The following REV1 variants were observed in gnomAD, a reference collection of about 807,000 sequenced individuals.
REV1 encodes the protein translesion synthesis protein REV1.
A neutral mutation model predicts 137.4 loss-of-function variants in REV1; 42 were observed. The ratio of observed to expected loss-of-function variants is 0.31; its 90% confidence interval spans 0.24 to 0.40. REV1 has a LOEUF of 0.40. Ranked by LOEUF, REV1 falls within the 10% of genes least tolerant of loss-of-function variation. The probability of loss-of-function intolerance (pLI) is 1.00; values close to 1 mark genes in which losing one functional copy is unlikely to be tolerated. For synonymous variants in REV1, 524 were observed against 519.2 expected (o/e 1.01, Z -0.12); for missense variants, 1,282 against 1,490.1 (o/e 0.86, Z 2.30).
chr2:99,434,513 A>G, intron 7 of REV1, 65 bp from the exon 8 acceptor site: 1 of 1,033,608 alleles, frequency 9.7e-7, no homozygotes, highest in South Asian at 1.9e-5. Flanking sequence ...TGTAAGCAAA[A>G]ATTTTTCAAA....
intron 9 of REV1, among the ~76,000 whole-genome samples, chr2:99,425,998 T>A (rs1219633753): frequency 6.6e-6 from 1 of 151,058 alleles, no homozygotes; most frequent in East Asian, 1.9e-4. Flanking sequence ...ATCGCGCCAT[T>A]ACACTCCAGC....
chr2:99,439,403 T>C, intron 5 of REV1, 93 bp from the exon 6 acceptor site: 1 of 802,562 alleles, frequency 1.2e-6, no homozygotes, highest in Non-Finnish European at 1.9e-6. Context: ...GTACACAGTT[T>C]GGTATTTCCC....
At chr2:99,445,584 T>C (rs1205057861) in intron 4 of REV1, among the ~76,000 whole-genome samples, 1 of 152,244 alleles carries the variant, frequency 6.6e-6, no homozygotes, top group African/African-American at 2.4e-5. Context: ...GCCAGTGGGG[T>C]ACGTCATAGC....
chr2:99,454,466 C>T (rs1327017713), intron 3 of REV1, among the ~76,000 whole-genome samples: 1 of 147,058 alleles, frequency 6.8e-6, no homozygotes, highest in African/African-American at 2.5e-5. Flanking sequence ...AGGAGAACCA[C>T]TGGAACCCAG....
At chr2:99,421,723 T>G (rs1011055884) in intron 10 of REV1, 70 bp from the exon 11 acceptor site, 1 of 1,472,798 alleles carries the variant, frequency 6.8e-7, no homozygotes, top group Non-Finnish European at 9.2e-7. Context: ...TGTTGCAAAA[T>G]AGTCTTCTTA....
At chr2:99,409,118 A>ATT (rs1676741681) in intron 14 of REV1, among the ~76,000 whole-genome samples, 1 of 152,206 alleles carries the variant, frequency 6.6e-6, no homozygotes. Context: ...CTACATAAAT[A>ATT]AGTTTTTAAA....
rs543208602 is a variant in REV1 at position 99,458,895 on chromosome 2, A to G, written c.181+3601T>C. ...AGAACAGAAGTGGGTGTGACTATGA[A>G]AGAGTAACATGAAAGATCTTTGTAG... On this transcript the variant is annotated intron_variant, in intron 3 of 22. Transcript: ENST00000258428. Among the ~76,000 whole-genome samples the G allele has an allele frequency of 2.3e-4, 35 of 152,328 alleles. No individual in the cohort carries two copies. In the South Asian group the frequency reaches 6.8e-3, roughly 30 times the overall value.
At chr2:99,403,252 G>A in intron 19 of REV1, 146 bp from the exon 20 acceptor site, 1 of 660,108 alleles carries the variant, frequency 1.5e-6, no homozygotes, top group Non-Finnish European at 2.5e-6. Context: ...GGCAGTGAAT[G>A]GCAATGGCCC....
chr2:99,453,094 C>T (rs948501096), intron 3 of REV1, among the ~76,000 whole-genome samples: 4 of 152,184 alleles, frequency 2.6e-5, no homozygotes, highest in Non-Finnish European at 5.9e-5. Context: ...GGTGCAGTGG[C>T]TCACACCTGT....
intron 15 of REV1, chr2:99,406,709 C>A: frequency 2.8e-6 from 1 of 360,070 alleles, no homozygotes; most frequent in Admixed American, 4.5e-5. Flanking sequence ...TTCAGAGTAT[C>A]CAATTCTCCC....
chr2:99,417,243 G>A (rs1678024470), intron 12 of REV1, among the ~76,000 whole-genome samples: 1 of 152,016 alleles, frequency 6.6e-6, no homozygotes, highest in African/African-American at 2.4e-5. Flanking sequence ...GGGCTCAAGC[G>A]ATTCTTGTGC....
chr2:99,449,558 C>A, intron 3 of REV1, 54 bp from the exon 4 acceptor site: 2 of 916,386 alleles, frequency 2.2e-6, no homozygotes, highest in East Asian at 3.1e-5. Context: ...GAAGTAGAAC[C>A]CTAATGAATA....
intron 12 of REV1, 125 bp downstream of exon 12, chr2:99,418,703 C>T: frequency 1.2e-6 from 1 of 817,614 alleles, no homozygotes; most frequent in Non-Finnish European, 1.8e-6. Context: ...TCATGGCACT[C>T]AATAAGACTT....
intron 9 of REV1, among the ~76,000 whole-genome samples, chr2:99,425,923 C>T (rs1370221160): frequency 6.6e-6 from 1 of 152,116 alleles, no homozygotes; most frequent in Admixed American, 6.5e-5. Flanking sequence ...GTAATCCCAG[C>T]TACTTGGGAG....
chr2:99,442,639 A>C (rs899865133), intron 4 of REV1, among the ~76,000 whole-genome samples, 170 bp from the exon 5 acceptor site: 2 of 152,174 alleles, frequency 1.3e-5, no homozygotes, highest in African/African-American at 4.8e-5. Context: ...ATATGATCTT[A>C]GAGTGGGGAA....
intron 14 of REV1, 121 bp downstream of exon 14, chr2:99,410,574 A>G: frequency 1.2e-6 from 1 of 844,970 alleles, no homozygotes; most frequent in Non-Finnish European, 1.8e-6. Context: ...TCTACAGAAT[A>G]CCAGATTAAC....
At chr2:99,460,755 T>C (rs1452516097) in intron 3 of REV1, among the ~76,000 whole-genome samples, 13 of 152,120 alleles carry the variant, frequency 8.5e-5, no homozygotes, top group Admixed American at 8.5e-4. Flanking sequence ...TAATGAAATC[T>C]TAATAACAAG....
At chr2:99,406,253 T>C in intron 16 of REV1, 72 bp downstream of exon 16, 1 of 1,497,194 alleles carries the variant, frequency 6.7e-7, no homozygotes, top group Non-Finnish European at 9.0e-7. Context: ...CTGTGTCAAT[T>C]TTAAAACCAA....
intron 6 of REV1, among the ~76,000 whole-genome samples, chr2:99,436,360 T>C (rs1218191989): frequency 6.6e-6 from 1 of 152,198 alleles, no homozygotes; most frequent in Admixed American, 6.5e-5. Context: ...TATGTGTATG[T>C]ATTTATTTAA....
Sources: gnomAD v4.1 joint callset for allele counts (sites outside exome capture counted in the v4.1 genomes callset) on GRCh38, gnomAD v4.1.1 for gene constraint, MANE v1.5 for transcripts, NCBI Gene and HGNC (gene_info 2026-07-23, HGNC 2026-07-21) for gene names.